The following HCN2 variants were observed in gnomAD, a reference collection of about 807,000 sequenced individuals.
HCN2 encodes hyperpolarization activated cyclic nucleotide gated potassium and sodium channel 2.
HCN2 carries 20 observed loss-of-function variants against 52.3 expected under a neutral mutation model. The observed-to-expected ratio is 0.38, with a 90% CI of 0.27 to 0.56. The LOEUF is 0.56. HCN2 is among the 20% of genes least tolerant of loss of function. The pLI, the probability that HCN2 is intolerant of heterozygous loss-of-function variation, is 0.71. For synonymous variants in HCN2, 694 were observed against 537.0 expected (o/e 1.29, Z -4.04); for missense variants, 981 against 1,207.7 (o/e 0.81, Z 2.78).
intron 7 of HCN2, among the ~76,000 whole-genome samples, chr19:614,559 G>A (rs1983815358): frequency 6.6e-6 from 1 of 152,192 alleles, no homozygotes; most frequent in African/African-American, 2.4e-5. Context: ...TGTGTTCGTG[G>A]AGTGGACACA....
chr19:590,079 C>G lies in HCN2; in HGVS notation c.134C>G (p.Pro45Arg). Reference sequence around the variant, plus strand: ...CCGCCGCCGCCGCCCGCGCCCCCCCCGGGCCCCGGGCCCGCGCCCCCCCAG... The same window carrying G: ...CCGCCGCCGCCGCCCGCGCCCCCCCGGGGCCCCGGGCCCGCGCCCCCCCAG... The part of the protein sequence containing the change: ...PPPPPPPAPP[P>R]GPGPAPPQHP... The change falls in exon 1 of 8, where the codon CCG becomes CGG. Residue 45 changes from proline (P) to arginine (R), a missense_variant. Physicochemically the swap from Pro to Arg is moderately radical, Grantham distance 103. Coordinates refer to ENST00000251287, the MANE Select transcript of HCN2 (RefSeq NM_001194.4). This position sits in a 1 kb window ranked among gnomAD's most constrained non-coding sequence, Gnocchi z 7.2. 4.9e-6 allele frequency: 3 copies of G among 606,146 alleles called. No homozygotes were observed. The highest frequency in any genetic ancestry group is 6.1e-6 in the Non-Finnish European group (3 of 490,996). 37.5% of individuals were successfully genotyped at this position (606,146 alleles called of 1,614,324 possible).
chr19:617,133 C>T lies in HCN2; in HGVS notation c.*659C>T, dbSNP rs1022843713. 9.5e-6 allele frequency: 8 copies of T among 840,068 alleles called. No individual in the cohort carries two copies. Among genetic ancestry groups the T allele is most frequent in the East Asian group, 2.6e-5 (1 of 38,736 alleles). The allele number at this position is 840,068 out of a possible 1,614,324, so 52.0% of individuals were successfully genotyped here. ...CATTAACCCCCACACCCCCATTCCG[C>T]GCAATAAACGACAGCATTGGCGCCA... On this transcript the variant is annotated 3_prime_UTR_variant, in exon 8 of 8. Coordinates refer to ENST00000251287, the MANE Select transcript of HCN2 (RefSeq NM_001194.4).
rs1375428144 is a variant in HCN2 at position 613,619 on chromosome 19, A to C, written c.1825+131A>C. 202 of 50,384 alleles carry C rather than the reference A, an allele frequency of 4.0e-3. 1 individual carries two copies. Among genetic ancestry groups the C allele is most frequent in the African/African-American group, 0.019 (111 of 5,732 alleles). 3.1% of individuals were successfully genotyped at this position (50,384 alleles called of 1,614,324 possible). On this transcript the variant is annotated intron_variant, in intron 6 of 7. Transcript: ENST00000251287. ...GATGGGGATGGGGCCGGGGATGGGG[A>C]TGGGGATGGGGATGGGGCCGGGGAT...
chr19:613,350 G>C lies in HCN2; in HGVS notation c.1687G>C (p.Glu563Gln), dbSNP rs747405205. ...VTAMLTKLKF[E>Q]VFQPGDYIIR... ...GGCCATGCTGACCAAGCTCAAGTTC[G>C]AGGTCTTCCAGCCGGGTGACTACAT... is the stretch of plus-strand genomic sequence containing the variant. Residue 563 changes from glutamate to glutamine, a missense_variant, in exon 6 of 8, where the codon GAG becomes CAG. Coordinates refer to ENST00000251287, the MANE Select transcript of HCN2 (RefSeq NM_001194.4). 1.2e-6 allele frequency: 2 copies of C among 1,613,048 alleles called. No homozygotes were observed. The highest frequency in any genetic ancestry group is 2.2e-5 in the East Asian group (1 of 44,836).
chr19:605,813 C>G (rs189038301), intron 3 of HCN2, among the ~76,000 whole-genome samples: 4 of 148,242 alleles, frequency 2.7e-5, no homozygotes, highest in Non-Finnish European at 5.9e-5. Flanking sequence ...GGACCCAGGC[C>G]GCCTTACAGA....
chr19:605,040 G>A, intron 2 of HCN2, 21 bp from the exon 3 acceptor site: 1 of 1,601,868 alleles, frequency 6.2e-7, no homozygotes, highest in Non-Finnish European at 8.5e-7. Flanking sequence ...GGTAGGGTGG[G>A]CTCACGGCGC....
intron 4 of HCN2, among the ~76,000 whole-genome samples, chr19:609,895 G>C (rs1311965892): frequency 6.6e-6 from 1 of 151,446 alleles, no homozygotes; most frequent in Non-Finnish European, 1.5e-5. Flanking sequence ...GCGAGACAGT[G>C]TCTCAGAAAA....
In HCN2 at chr19:610,957, G is replaced by A. The variant is rs903686799; in HGVS notation, c.1584+552G>A. On this transcript the variant is annotated intron_variant, in intron 5 of 7. Coordinates refer to ENST00000251287, the MANE Select transcript of HCN2 (RefSeq NM_001194.4). ...GGGAGGATCCTTCCTGCCTCTTCCG[G>A]CGTCTGGGGCTCCAGGCGCCCTTGG... is the stretch of plus-strand genomic sequence containing the variant. Among the ~76,000 whole-genome samples, 11 of 152,278 alleles carry A rather than the reference G, an allele frequency of 7.2e-5. No homozygotes were observed. The South Asian group carries it at 1.5e-3, about 20-fold the overall frequency.
chr19:610,148 G>T, intron 4 of HCN2, 111 bp from the exon 5 acceptor site: 1 of 1,334,336 alleles, frequency 7.5e-7, no homozygotes, highest in Non-Finnish European at 1.0e-6. Flanking sequence ...CCCGCTGCAG[G>T]CTGGGGGCGG....
intron 7 of HCN2, 28 bp downstream of exon 7, chr19:614,044 C>A: frequency 7.4e-7 from 1 of 1,352,182 alleles, no homozygotes; most frequent in Non-Finnish European, 9.9e-7. Context: ...GTGGCCGGGG[C>A]GGGTGCCCTG....
chr19:610,398 T>TGCGGGAGGTGAG lies in HCN2; in HGVS notation c.1583_1584+10dup, dbSNP rs1410547103. On this transcript the variant is annotated inframe_insertion, in exon 5 of 8. Coordinates refer to ENST00000251287, the MANE Select transcript of HCN2 (RefSeq NM_001194.4). ...ATCCTGGGCGAGCTCAACGGGCCCC[T>TGCGGGAGGTGAG]GCGGGAGGTGAGGCGGGCGCCGGGC... The TGCGGGAGGTGAG allele has an allele frequency of 1.2e-6, 2 of 1,612,606 alleles. No homozygotes were observed. Among genetic ancestry groups the TGCGGGAGGTGAG allele is most frequent in the Non-Finnish European group, 1.7e-6 (2 of 1,179,220 alleles).
rs1328746575 is a variant in HCN2 at position 616,513 on chromosome 19, G to A, written c.*39G>A. 3.4e-6 allele frequency: 4 copies of A among 1,164,654 alleles called. No homozygotes were observed. Among genetic ancestry groups the A allele is most frequent in the Non-Finnish European group, 4.3e-6 (4 of 934,464 alleles). The allele number at this position is 1,164,654 out of a possible 1,614,324, so 72.1% of individuals were successfully genotyped here. A position where few individuals can be genotyped will look rare whatever the true frequency, so the allele number is the denominator to read the frequency against. On this transcript the variant is annotated 3_prime_UTR_variant, in exon 8 of 8. Transcript: ENST00000251287. Reference sequence around the variant, plus strand: ...CCCCGCGGGCCCAGGCGGGCCGGGGGCGGGGCCGTCATCCAGACCAAAGCC... The same window carrying A: ...CCCCGCGGGCCCAGGCGGGCCGGGGACGGGGCCGTCATCCAGACCAAAGCC...
Position 617,134 on chromosome 19 carries a change from G to C in HCN2, c.*660G>C, listed in dbSNP as rs1449098768. The C allele has an allele frequency of 2.0e-5, 10 of 494,654 alleles. No individual in the cohort carries two copies. Among genetic ancestry groups the C allele is most frequent in the Non-Finnish European group, 3.3e-5 (9 of 270,936 alleles). The allele number at this position is 494,654 out of a possible 1,614,324, so 30.6% of individuals were successfully genotyped here. Reference sequence around the variant, plus strand: ...ATTAACCCCCACACCCCCATTCCGCGCAATAAACGACAGCATTGGCGCCAA... The same window carrying C: ...ATTAACCCCCACACCCCCATTCCGCCCAATAAACGACAGCATTGGCGCCAA... On this transcript the variant is annotated 3_prime_UTR_variant, in exon 8 of 8. Transcript: ENST00000251287.
In HCN2 at chr19:614,135, G is replaced by T. The variant is rs114440466; in HGVS notation, c.1990+119G>T. The T allele has an allele frequency of 1.1e-5, 8 of 706,192 alleles. No individual in the cohort carries two copies. In the Admixed American group the frequency reaches 3.1e-4, roughly 27 times the overall value. The allele number at this position is 706,192 out of a possible 1,614,324, so 43.7% of individuals were successfully genotyped here. On this transcript the variant is annotated intron_variant, in intron 7 of 7. Coordinates refer to ENST00000251287, the MANE Select transcript of HCN2 (RefSeq NM_001194.4). ...GAAGGGCGTGGCTGTGGCATCAGGG[G>T]CACGGTTGGGGCAGAGACGTGGCCA...
At position 616,156 on chromosome 19, in the gene HCN2, C is replaced by T. The variant is rs1165590191; in HGVS notation, c.2352C>T (p.Pro784=). The change falls in exon 8 of 8, where the codon CCC becomes CCT. Residue 784 remains proline, a synonymous_variant. Coordinates refer to ENST00000251287, the MANE Select transcript of HCN2 (RefSeq NM_001194.4). Reference sequence around the variant, plus strand: ...CCCCCGCCAGCCCCCCGGGCGCGCCCGCCAGCCCCCGGGCACCGCGGACCT... The same window carrying T: ...CCCCCGCCAGCCCCCCGGGCGCGCCTGCCAGCCCCCGGGCACCGCGGACCT... The part of the protein sequence containing the change: ...PPPPASPPGA[P]ASPRAPRTSP... 1.3e-5 allele frequency: 13 copies of T among 968,708 alleles called. No individual in the cohort carries two copies. Among genetic ancestry groups the T allele is most frequent in the African/African-American group, 1.8e-5 (1 of 56,068 alleles). The allele number at this position is 968,708 out of a possible 1,614,324, so 60.0% of individuals were successfully genotyped here.
chr19:595,625 C>T (rs1356593073), intron 1 of HCN2, among the ~76,000 whole-genome samples: 1 of 152,238 alleles, frequency 6.6e-6, no homozygotes, highest in Non-Finnish European at 1.5e-5. Context: ...CAGGCCCATC[C>T]CATGTGTCTG....
chr19:604,469 A>AGGGCC (rs1983331945), intron 2 of HCN2, among the ~76,000 whole-genome samples: 1 of 134,446 alleles, frequency 7.4e-6, no homozygotes, highest in Admixed American at 7.3e-5. Context: ...GGGTGGAGTC[A>AGGGCC]AGCAGCAGGG....
chr19:610,417 G>A lies in HCN2; in HGVS notation c.1584+12G>A, dbSNP rs757878593. On this transcript the variant is annotated intron_variant, in intron 5 of 7. Transcript: ENST00000251287. ...GGCCCCTGCGGGAGGTGAGGCGGGC[G>A]CCGGGCGGGCGGGAGGCAGCCTCCG... 80 of 1,610,366 alleles carry A rather than the reference G, an allele frequency of 5.0e-5. No individual in the cohort carries two copies. The East Asian group carries it at 8.5e-4, about 17-fold the overall frequency.
chr19:598,154 C>G (rs1245064520), intron 1 of HCN2, among the ~76,000 whole-genome samples: 1 of 152,184 alleles, frequency 6.6e-6, no homozygotes, highest in African/African-American at 2.4e-5. Context: ...CCCTGGGGGT[C>G]TCGTTGCTGA....
Sources: allele counts gnomAD v4.1 joint callset (sites outside exome capture counted in the v4.1 genomes callset), GRCh38; gene constraint gnomAD v4.1.1; non-coding constraint Gnocchi (gnomAD v3.1); transcripts MANE v1.5; gene names NCBI Gene and HGNC (gene_info 2026-07-23, HGNC 2026-07-21).